ECSIT: variants seen among roughly 807,000 people sequenced by gnomAD.
ECSIT encodes ECSIT signaling integrator, also known as evolutionarily conserved signaling intermediate in Toll pathway, mitochondrial.
In ECSIT, 29 loss-of-function variants were observed where a neutral mutation model predicts 36.8. That is an observed-to-expected ratio of 0.79 (90% CI 0.59 to 1.08). The LOEUF is 1.08. Ranked by LOEUF, ECSIT falls within the 50% of genes least tolerant of loss-of-function variation. ECSIT has a pLI of 0.00. For synonymous variants in ECSIT, 231 were observed against 234.8 expected, an observed-to-expected ratio of 0.98 and a Z score of 0.15; for missense variants, 542 against 581.0, an observed-to-expected ratio of 0.93 and a Z score of 0.69.
At chr19:11,513,329 G>A (rs957642772) in intron 3 of ECSIT, 50 bp from the exon 4 acceptor site, 13 of 1,458,464 alleles carry the variant, frequency 8.9e-6, no homozygotes, top group African/African-American at 5.6e-5. Context: ...GGGGAGGAGG[G>A]AAGGGAAGAG....
intron 1 of ECSIT, chr19:11,528,642 C>G (rs537536217): frequency 2.0e-5 from 3 of 152,268 alleles, no homozygotes; most frequent in African/African-American, 7.2e-5. Context: ...AAGGACAGTG[C>G]CTGGTATATG....
At position 11,506,041 on chromosome 19, in the gene ECSIT, G is replaced by C; in HGVS notation, c.*143C>G. On this transcript the variant is annotated 3_prime_UTR_variant, in exon 8 of 8. Transcript: ENST00000270517. ...CCATCGCTGGCAGCCCGAGATCCTG[G>C]GGAGGGGATGCCATACTGCTAGAGA... 7.3e-7 allele frequency: 1 copy of C among 1,368,770 alleles called. No individual in the cohort carries two copies. The highest frequency in any genetic ancestry group is 1.4e-5 in the African/African-American group (1 of 69,324). 84.8% of individuals were successfully genotyped at this position (1,368,770 alleles called of 1,614,324 possible). A position where few individuals can be genotyped will look rare whatever the true frequency, so the allele number is the denominator to read the frequency against.
chr19:11,515,447 A>G (rs1971978494), intron 2 of ECSIT, among the ~76,000 whole-genome samples: 1 of 150,888 alleles, frequency 6.6e-6, no homozygotes, highest in African/African-American at 2.4e-5. Flanking sequence ...CACTGTACCC[A>G]GCCCCTTCTT....
intron 4 of ECSIT, among the ~76,000 whole-genome samples, chr19:11,512,309 C>T (rs1009364323): frequency 6.6e-5 from 10 of 151,934 alleles, no homozygotes; most frequent in Non-Finnish European, 1.0e-4. Context: ...AGTGCTACTG[C>T]GCTCCAGCCT....
At position 11,519,209 on chromosome 19, in the gene ECSIT, A is replaced by G. The variant is rs1972055033; in HGVS notation, c.-23-16T>C. 6.6e-7 allele frequency: 1 copy of G among 1,509,508 alleles called. No individual in the cohort carries two copies. The highest frequency in any genetic ancestry group is 9.0e-7 in the Non-Finnish European group (1 of 1,114,078). 93.5% of individuals were successfully genotyped at this position (1,509,508 alleles called of 1,614,324 possible). A position where few individuals can be genotyped will look rare whatever the true frequency, so the allele number is the denominator to read the frequency against. On this transcript the variant is annotated splice_polypyrimidine_tract_variant and intron_variant, in intron 1 of 7. Transcript: ENST00000270517. This position sits in a 1 kb window ranked among gnomAD's most constrained non-coding sequence, Gnocchi z 4.4. Reference sequence around the variant, plus strand: ...AGACAATCACCTGGCCCAAAAGAAGATTCAGCATTAGCCTGGCACCTTACA... The same window carrying G: ...AGACAATCACCTGGCCCAAAAGAAGGTTCAGCATTAGCCTGGCACCTTACA...
At chr19:11,526,568 A>G (rs914549606) in intron 1 of ECSIT, among the ~76,000 whole-genome samples, 1 of 151,970 alleles carries the variant, frequency 6.6e-6, no homozygotes, top group African/African-American at 2.4e-5. Flanking sequence ...CAATCCATCA[A>G]CTAGTCTAGG....
intron 1 of ECSIT, among the ~76,000 whole-genome samples, chr19:11,525,045 G>A (rs1384755945): frequency 6.6e-6 from 1 of 152,124 alleles, no homozygotes; most frequent in Non-Finnish European, 1.5e-5. Context: ...GCTGAGGCAG[G>A]AGAATCACTT....
chr19:11,523,821 G>A, intron 1 of ECSIT: 1 of 608,654 alleles, frequency 1.6e-6, no homozygotes, highest in Non-Finnish European at 3.1e-6. Context: ...TACTTCAAAT[G>A]CAAGAAATGA....
At chr19:11,516,008 TCCAC>T (rs770295327) in intron 2 of ECSIT, 2 of 152,232 alleles carry the variant, frequency 1.3e-5, no homozygotes, top group Non-Finnish European at 2.9e-5. Context: ...CCTAAGGTGA[TCCAC>T]CCACCGTGGC....
chr19:11,514,372 T>C (rs1971944211), intron 2 of ECSIT, 151 bp from the exon 3 acceptor site: 1 of 738,742 alleles, frequency 1.4e-6, no homozygotes, highest in Non-Finnish European at 2.1e-6. Context: ...TCGAGGCCAT[T>C]ACAAAGTGCG....
At chr19:11,525,636 TCA>T (rs948310313) in intron 1 of ECSIT, 42 of 151,684 alleles carry the variant, frequency 2.8e-4, no homozygotes, top group African/African-American at 9.9e-4. Flanking sequence ...GCATGGTGAC[TCA>T]CGTGTGTAAT....
rs1971935524 is a variant in ECSIT, at chr19:11,514,071, C to T, written c.247G>A (p.Glu83Lys). ...EDLFGQAPGG[E>K]RDKASFLQTV... ...TGCAGGAAGCTCGCCTTGTCCCGTT[C>T]CCCACCAGGCGCCTGCCCAAACAGG... is the stretch of plus-strand genomic sequence containing the variant. The change falls in exon 3 of 8, where the codon GAA becomes AAA. Residue 83 changes from glutamate to lysine, a missense_variant. Coordinates refer to ENST00000270517, the MANE Select transcript of ECSIT (RefSeq NM_016581.5). 6.2e-7 allele frequency: 1 copy of T among 1,614,046 alleles called. No homozygotes were observed. Among genetic ancestry groups the T allele is most frequent in the Admixed American group, 1.7e-5 (1 of 60,008 alleles).
At chr19:11,516,947 G>A (rs1324243564) in intron 2 of ECSIT, among the ~76,000 whole-genome samples, 1 of 152,002 alleles carries the variant, frequency 6.6e-6, no homozygotes, top group African/African-American at 2.4e-5. Flanking sequence ...TGAGACTGGC[G>A]GGTCGAGGTT....
At chr19:11,510,966 C>T (rs918394456) in intron 4 of ECSIT, among the ~76,000 whole-genome samples, 4 of 151,688 alleles carry the variant, frequency 2.6e-5, no homozygotes, top group Admixed American at 2.6e-4. Flanking sequence ...GCTCTCCCCA[C>T]CAACCAAGAG....
intron 4 of ECSIT, among the ~76,000 whole-genome samples, chr19:11,511,360 T>C (rs1303221986): frequency 2.6e-5 from 4 of 151,980 alleles, no homozygotes; most frequent in African/African-American, 9.7e-5. Context: ...GACTGAGTCA[T>C]GGTGAATGAG....
intron 1 of ECSIT, among the ~76,000 whole-genome samples, chr19:11,521,324 C>T (rs1280953302): frequency 6.6e-6 from 1 of 152,138 alleles, no homozygotes; most frequent in Non-Finnish European, 1.5e-5. Flanking sequence ...ATGGTAACTA[C>T]ATGTTTAACA....
intron 2 of ECSIT, among the ~76,000 whole-genome samples, chr19:11,518,807 G>C (rs1409405924): frequency 1.3e-5 from 2 of 152,116 alleles, no homozygotes; most frequent in Non-Finnish European, 2.9e-5. Flanking sequence ...GATGAGGCGG[G>C]AGGATTGCTT....
chr19:11,512,970 C>T, intron 4 of ECSIT, 86 bp downstream of exon 4: 2 of 1,330,094 alleles, frequency 1.5e-6, no homozygotes, highest in South Asian at 2.4e-5. Context: ...ACCACAATCA[C>T]TAGAGTGAGA....
At position 11,508,010 on chromosome 19, in the gene ECSIT, G is replaced by C. The variant is rs777073145; in HGVS notation, c.777C>G (p.Pro259=). ...ACTTACCTACGATGTGGGGCTGGGGGGGATCTGCTGCACCTGTTGAGTCTT... is the reference window on the plus strand; with the variant it reads ...ACTTACCTACGATGTGGGGCTGGGGCGGATCTGCTGCACCTGTTGAGTCTT... ...LPKDSTGAAD[P]PQPHIVGIQS... is the part of the protein sequence containing the mutation. The change falls in exon 5 of 8, where the codon CCC becomes CCG. Residue 259 remains proline (P), a synonymous_variant. Transcript: ENST00000270517. 2 of 1,614,194 alleles carry C rather than the reference G, an allele frequency of 1.2e-6. No homozygotes were observed. The highest frequency in any genetic ancestry group is 1.7e-5 in the Admixed American group (1 of 60,018).
Sources: gnomAD v4.1 joint callset for allele counts (sites outside exome capture counted in the v4.1 genomes callset) on GRCh38, gnomAD v4.1.1 for gene constraint, Gnocchi (gnomAD v3.1) non-coding constraint, MANE v1.5 for transcripts, NCBI Gene and HGNC (gene_info 2026-07-23, HGNC 2026-07-21) for gene names.